The following GRIA4 variants were observed in gnomAD, a reference collection of about 807,000 sequenced individuals.
GRIA4 encodes the protein glutamate receptor 4.
In GRIA4, 34 loss-of-function variants were observed where a neutral mutation model predicts 104.0. That is an observed-to-expected ratio of 0.33 (90% CI 0.25 to 0.44). The LOEUF is 0.44. Among genes scored for constraint, GRIA4 ranks in the 20% least tolerant of loss-of-function variants. GRIA4 has a pLI of 1.00. For synonymous variants in GRIA4, 386 were observed against 381.9 expected (o/e 1.01, Z -0.13); for missense variants, 750 against 1,096.5 (o/e 0.68, Z 4.46).
chr11:105,617,926 G>A (rs75439365), intron 3 of GRIA4, among the ~76,000 whole-genome samples: 1 of 151,928 alleles, frequency 6.6e-6, no homozygotes, highest in African/African-American at 2.4e-5. Context: ...AGATGGACAC[G>A]GAAATGGGAA....
At chr11:105,836,801 A>G (rs1403065454) in intron 4 of GRIA4, among the ~76,000 whole-genome samples, 2 of 152,170 alleles carry the variant, frequency 1.3e-5, no homozygotes, top group Non-Finnish European at 2.9e-5. Flanking sequence ...GATATTGTGC[A>G]GGGATGAATT....
At chr11:105,743,546 A>G (rs964616278) in intron 3 of GRIA4, among the ~76,000 whole-genome samples, 5 of 152,166 alleles carry the variant, frequency 3.3e-5, no homozygotes, top group African/African-American at 1.2e-4. Context: ...TTCCTGTAGA[A>G]TCTCATGTTG....
At chr11:105,896,643 C>A (rs1946661394) in intron 6 of GRIA4, among the ~76,000 whole-genome samples, 1 of 152,000 alleles carries the variant, frequency 6.6e-6, no homozygotes, top group Non-Finnish European at 1.5e-5. Flanking sequence ...AGCCAGTTTC[C>A]CCAATATTAT....
chr11:105,892,414 G>T (rs1041321416), intron 6 of GRIA4, among the ~76,000 whole-genome samples: 1 of 152,034 alleles, frequency 6.6e-6, no homozygotes, highest in African/African-American at 2.4e-5. Flanking sequence ...ATTACAAAAT[G>T]TTCTGGATAT....
In GRIA4 at chr11:105,895,252, CGTGTGTGTGT is replaced by C. The variant is rs59472131; in HGVS notation, c.727-2998_727-2989del. Among the ~76,000 whole-genome samples the C allele has an allele frequency of 4.0e-3, 598 of 148,860 alleles. 5 individuals are homozygous for C. Among genetic ancestry groups the C allele is most frequent in the African/African-American group, 0.014 (551 of 40,384 alleles). On this transcript the variant is annotated intron_variant, in intron 6 of 16. Coordinates refer to ENST00000282499, the MANE Select transcript of GRIA4 (RefSeq NM_000829.4). The stretch of plus-strand genomic sequence containing the variant: ...CAATTACAAAAGCTACGAGCTCATG[CGTGTGTGTGT>C]GTGTGTGTGTGTGTGTGTATGTGAT...
At chr11:105,871,286 G>A (rs1013190745) in intron 5 of GRIA4, among the ~76,000 whole-genome samples, 1 of 152,038 alleles carries the variant, frequency 6.6e-6, no homozygotes, top group South Asian at 2.1e-4. Flanking sequence ...AAATAAATTT[G>A]TTTTGGCAAT....
intron 3 of GRIA4, chr11:105,707,396 C>T (rs1953741580): frequency 6.6e-6 from 1 of 152,026 alleles, no homozygotes; most frequent in Non-Finnish European, 1.5e-5. Context: ...AAAGGAAAGC[C>T]AAAATGAGCA....
chr11:105,816,800 C>A (rs1373563827), intron 4 of GRIA4, among the ~76,000 whole-genome samples: 1 of 151,932 alleles, frequency 6.6e-6, no homozygotes, highest in African/African-American at 2.4e-5. Context: ...TCACTTGAGG[C>A]CAGGAAACTG....
chr11:105,764,009 C>T (rs1013665220), intron 4 of GRIA4, among the ~76,000 whole-genome samples: 1 of 152,146 alleles, frequency 6.6e-6, no homozygotes, highest in African/African-American at 2.4e-5. Context: ...TCTTAAAATA[C>T]CCAAACACAA....
At chr11:105,760,615 G>A (rs1373503961) in intron 4 of GRIA4, among the ~76,000 whole-genome samples, 2 of 152,046 alleles carry the variant, frequency 1.3e-5, no homozygotes. Context: ...GTTTAAATTA[G>A]TTTCTTCTCA....
chr11:105,722,153 A>G (rs1048364807), intron 3 of GRIA4, among the ~76,000 whole-genome samples: 3 of 152,142 alleles, frequency 2.0e-5, no homozygotes, highest in Non-Finnish European at 2.9e-5. Context: ...CTCTACTGCT[A>G]TATTATTGAG....
chr11:105,657,931 C>T (rs946283307), intron 3 of GRIA4, among the ~76,000 whole-genome samples: 1 of 151,482 alleles, frequency 6.6e-6, no homozygotes, highest in Admixed American at 6.6e-5. Context: ...TTAAAAATGT[C>T]CTAAAATATA....
chr11:105,663,771 C>T (rs138501783), intron 3 of GRIA4, among the ~76,000 whole-genome samples: 57 of 151,890 alleles, frequency 3.8e-4, no homozygotes, highest in African/African-American at 1.3e-3. Flanking sequence ...GGGTCCATTT[C>T]GAAGATGACA....
At chr11:105,947,046 A>G (rs1034871098) in intron 14 of GRIA4, among the ~76,000 whole-genome samples, 1 of 152,232 alleles carries the variant, frequency 6.6e-6, no homozygotes, top group African/African-American at 2.4e-5. Flanking sequence ...AGCAGGAACA[A>G]TAGTGGCTAT....
At chr11:105,937,596 T>C (rs1433720953) in intron 14 of GRIA4, among the ~76,000 whole-genome samples, 1 of 152,144 alleles carries the variant, frequency 6.6e-6, no homozygotes, top group African/African-American at 2.4e-5. Context: ...ACACTTCCTC[T>C]GGCGCTTAGA....
intron 3 of GRIA4, among the ~76,000 whole-genome samples, chr11:105,636,030 T>A (rs1179582155): frequency 4.6e-5 from 7 of 152,136 alleles, no homozygotes; most frequent in Non-Finnish European, 1.5e-5. Flanking sequence ...CATGCATGTG[T>A]GCTGGAAGAA....
chr11:105,871,383 G>A (rs1221497656), intron 5 of GRIA4, among the ~76,000 whole-genome samples: 2 of 151,628 alleles, frequency 1.3e-5, no homozygotes, highest in African/African-American at 2.4e-5. Context: ...AACTGAGCTT[G>A]CTATGCAAAA....
chr11:105,879,298 T>C (rs1011131058), intron 5 of GRIA4, among the ~76,000 whole-genome samples: 2 of 152,192 alleles, frequency 1.3e-5, no homozygotes, highest in African/African-American at 4.8e-5. Context: ...TCTGCATTGA[T>C]CTCGATGGGA....
chr11:105,838,795 T>C (rs992748436), intron 4 of GRIA4, among the ~76,000 whole-genome samples: 6 of 152,130 alleles, frequency 3.9e-5, no homozygotes, highest in Non-Finnish European at 8.8e-5. Flanking sequence ...TGAGGCAGGA[T>C]TGCTACCTCG....
Sources: gnomAD v4.1 joint callset for allele counts (sites outside exome capture counted in the v4.1 genomes callset) on GRCh38, gnomAD v4.1.1 for gene constraint, MANE v1.5 for transcripts, NCBI Gene and HGNC (gene_info 2026-07-23, HGNC 2026-07-21) for gene names.